Variants in UPF1 observed in about 807,000 individuals in gnomAD.
UPF1 encodes UPF1 RNA helicase and ATPase.
UPF1 carries 9 observed loss-of-function variants against 129.2 expected under a neutral mutation model. The ratio of observed to expected loss-of-function variants is 0.07; its 90% CI spans 0.04 to 0.12. The LOEUF is 0.12. UPF1 is among the 10% of genes least tolerant of loss of function. The pLI, the probability that UPF1 is intolerant of heterozygous loss-of-function variation, is 1.00. For missense variants in UPF1, 788 were observed against 1,525.3 expected (o/e 0.52, Z 8.05); for synonymous variants, 649 against 644.9 (o/e 1.01, Z -0.10).
chr19:18,855,774 G>C, intron 11 of UPF1, 151 bp from the exon 12 acceptor site: 1 of 1,106,438 alleles, frequency 9.0e-7, no homozygotes, highest in Non-Finnish European at 1.3e-6. Context: ...CTTGAGCCCA[G>C]GATGTTGAGG....
chr19:18,843,723 G>A (rs1385982595), intron 1 of UPF1, among the ~76,000 whole-genome samples: 2 of 149,216 alleles, frequency 1.3e-5, no homozygotes, highest in Non-Finnish European at 3.0e-5. Flanking sequence ...AGGCTTGTGT[G>A]TGTGTGTGTG....
At chr19:18,833,776 C>T (rs2055454302) in intron 1 of UPF1, among the ~76,000 whole-genome samples, 1 of 152,172 alleles carries the variant, frequency 6.6e-6, no homozygotes, top group Non-Finnish European at 1.5e-5. Context: ...GGGAACCACT[C>T]CTTGCTCATC....
At chr19:18,858,617 T>C (rs544884331) in intron 15 of UPF1, among the ~76,000 whole-genome samples, 2 of 152,106 alleles carry the variant, frequency 1.3e-5, no homozygotes, top group South Asian at 2.1e-4. Flanking sequence ...CCATCTCCCT[T>C]TCCAGCCTCA....
At chr19:18,840,030 T>C (rs1278955514) in intron 1 of UPF1, among the ~76,000 whole-genome samples, 1 of 152,134 alleles carries the variant, frequency 6.6e-6, no homozygotes, top group Non-Finnish European at 1.5e-5. Context: ...GGGGCTGGGC[T>C]GTGTCCTGGA....
intron 8 of UPF1, 50 bp from the exon 9 acceptor site, chr19:18,854,550 GA>G: frequency 1.3e-6 from 2 of 1,502,156 alleles, no homozygotes; most frequent in Non-Finnish European, 1.8e-6. Context: ...GGGTGGCCCA[GA>G]AAGGTCAGCC....
intron 11 of UPF1, 55 bp downstream of exon 11, chr19:18,855,297 G>A (rs1422974603): frequency 3.2e-6 from 5 of 1,575,754 alleles, no homozygotes; most frequent in Non-Finnish European, 4.3e-6. Context: ...AGGGTGGCCA[G>A]ATGGAAGGCC....
intron 1 of UPF1, among the ~76,000 whole-genome samples, chr19:18,843,450 AT>A (rs891342237): frequency 6.6e-6 from 1 of 150,634 alleles, no homozygotes; most frequent in Admixed American, 6.6e-5. Context: ...ATGATGGCAC[AT>A]TTGGGGGGAT....
At chr19:18,838,521 G>A (rs1053279064) in intron 1 of UPF1, among the ~76,000 whole-genome samples, 43 of 152,176 alleles carry the variant, frequency 2.8e-4, no homozygotes, top group Admixed American at 2.5e-3. Flanking sequence ...AGTGGCACAT[G>A]CCTGTAATCC....
At position 18,832,265 on chromosome 19, in the gene UPF1, A is replaced by T; in HGVS notation, c.56A>T (p.Glu19Val). Residue 19 changes from glutamate (E) to valine (V), a missense_variant, in exon 1 of 24, where the codon GAG (glutamate) becomes GTG (valine). Physicochemically the swap from Glu to Val is moderately radical, Grantham distance 121 (BLOSUM62 -2). Transcript: ENST00000262803. This position sits in a 1 kb window ranked among gnomAD's most constrained non-coding sequence, Gnocchi z 5.6. ...CAGACTCTCACTTTCCTGGACACGG[A>T]GGAGGCCGAGCTGCTTGGCGCCGAC... ...SSQTLTFLDT[E>V]EAELLGADTQ... is the part of the protein sequence containing the mutation. 2 of 1,552,320 alleles carry T rather than the reference A, an allele frequency of 1.3e-6. No individual in the cohort carries two copies. The highest frequency in any genetic ancestry group is 1.7e-6 in the Non-Finnish European group (2 of 1,149,278).
In UPF1 at chr19:18,852,106, G is replaced by A. The variant is rs369216621; in HGVS notation, c.811-29G>A. 74 of 1,573,970 alleles carry A rather than the reference G, an allele frequency of 4.7e-5. No homozygotes were observed. In the African/African-American group the frequency reaches 7.7e-4, roughly 16 times the overall value. ...ATTTGCATGTAGGGAAAAACAGGAC[G>A]AGTGTGGCGCGGTGTTGTTGTCTTC... On this transcript the variant is annotated intron_variant, in intron 5 of 23. Transcript: ENST00000262803.
intron 1 of UPF1, among the ~76,000 whole-genome samples, chr19:18,843,700 T>TTAGTAGA (rs2055566630): frequency 6.7e-6 from 1 of 149,812 alleles, no homozygotes; most frequent in Non-Finnish European, 1.5e-5. Context: ...GATGGGGTTT[T>TTAGTAGA]GCCATGTTGG....
intron 10 of UPF1, 23 bp downstream of exon 10, chr19:18,855,061 G>C (rs759401140): frequency 7.4e-6 from 12 of 1,612,966 alleles, no homozygotes; most frequent in Non-Finnish European, 1.0e-5. Flanking sequence ...CTCAGCGCGC[G>C]GGGCCTCGCC....
Position 18,852,252 on chromosome 19 carries a change from G to C in UPF1, c.928G>C (p.Val310Leu). Reference sequence around the variant, plus strand: ...GTACCAGAACATATTCGGGCCCCTGGTCAAGCTGGAGGCCGACTACGACAA... The same window carrying C: ...GTACCAGAACATATTCGGGCCCCTGCTCAAGCTGGAGGCCGACTACGACAA... ...YQYQNIFGPL[V>L]KLEADYDKKL... The change falls in exon 6 of 24, where the codon GTC (valine) becomes CTC (leucine). Residue 310 changes from valine to leucine, a missense_variant. Val to Leu is a conservative substitution (Grantham distance 32). This residue lies in a region of UPF1 where 227 missense variants were observed against 517.9 expected (regional missense o/e 0.44). Transcript: ENST00000262803. The C allele has an allele frequency of 6.2e-7, 1 of 1,613,780 alleles. No homozygotes were observed. The highest frequency in any genetic ancestry group is 1.1e-5 in the South Asian group (1 of 91,060).
In UPF1 at chr19:18,847,725, C is replaced by A. The variant is rs762227342; in HGVS notation, c.372-19C>A. ...AGAGCAAGCTTCCAGCTGTAACTGT[C>A]GCTGTTTTGATTTTTTAGTTACTGT... is the stretch of plus-strand genomic sequence containing the variant. On this transcript the variant is annotated intron_variant, in intron 2 of 23. Transcript: ENST00000262803. 5.0e-6 allele frequency: 8 copies of A among 1,609,568 alleles called. No homozygotes were observed. Among genetic ancestry groups the A allele is most frequent in the South Asian group, 1.1e-5 (1 of 90,924 alleles).
intron 1 of UPF1, among the ~76,000 whole-genome samples, chr19:18,841,023 G>A (rs1410751735): frequency 6.6e-6 from 1 of 152,234 alleles, no homozygotes; most frequent in East Asian, 1.9e-4. Flanking sequence ...CCTGGGAGAG[G>A]GGGTTGCAGA....
At chr19:18,864,737 T>G (rs866862833) in intron 20 of UPF1, among the ~76,000 whole-genome samples, 5 of 136,812 alleles carry the variant, frequency 3.7e-5, no homozygotes, top group African/African-American at 2.8e-5. Flanking sequence ...GCAGGTGTTT[T>G]TTTTTTTTTT....
Position 18,865,196 on chromosome 19 carries a change from C to T in UPF1, c.2858-93C>T. 4 of 1,436,894 alleles carry T rather than the reference C, an allele frequency of 2.8e-6. No individual in the cohort carries two copies. The highest frequency in any genetic ancestry group is 2.7e-5 in the South Asian group (2 of 73,470). The allele number at this position is 1,436,894 out of a possible 1,614,324, so 89.0% of individuals were successfully genotyped here. On this transcript the variant is annotated intron_variant, in intron 20 of 23. Transcript: ENST00000262803. The surrounding 1 kb of genome is among the most constrained non-coding windows in gnomAD (Gnocchi z 6.1). Reference sequence around the variant, plus strand: ...CCTGGGCAGAGCCAGGACAGATGTGCAGCTCCGGCTGACTGGCTGGTGGGG... The same window carrying T: ...CCTGGGCAGAGCCAGGACAGATGTGTAGCTCCGGCTGACTGGCTGGTGGGG...
chr19:18,865,612 G>T lies in UPF1; in HGVS notation c.3071G>T (p.Arg1024Leu), dbSNP rs1234132463. Residue 1024 changes from arginine (R) to leucine (L), a missense_variant, in exon 22 of 24, where the codon CGC (arginine) becomes CTC (leucine). Physicochemically the swap from Arg to Leu is moderately radical, Grantham distance 102 (BLOSUM62 -2). Coordinates refer to ENST00000262803, the MANE Select transcript of UPF1 (RefSeq NM_002911.4). This position sits in a 1 kb window ranked among gnomAD's most constrained non-coding sequence, Gnocchi z 6.1. ...GGTCGTGGGGGACGCCAGAAGAACC[G>T]CTTTGGGCTTCCTGGACCCAGCCAG... is the stretch of plus-strand genomic sequence containing the variant. Reference protein sequence around the residue: ...KTGRGGRQKNRFGLPGPSQTN... With the variant: ...KTGRGGRQKNLFGLPGPSQTN... The T allele has an allele frequency of 6.2e-7, 1 of 1,613,846 alleles. No homozygotes were observed. Among genetic ancestry groups the T allele is most frequent in the South Asian group, 1.1e-5 (1 of 91,082 alleles).
At position 18,857,023 on chromosome 19, in the gene UPF1, G is replaced by C. The variant is rs754477619; in HGVS notation, c.1968+3G>C. On this transcript the variant is annotated splice_donor_region_variant and intron_variant, in intron 14 of 23. Transcript: ENST00000262803. ...CCGTGGTCCTCGGGGCCAAGCAGGTGGGCTGCCTCCCCTGCCCTCCTGTGT... is the reference window on the plus strand; with the variant it reads ...CCGTGGTCCTCGGGGCCAAGCAGGTCGGCTGCCTCCCCTGCCCTCCTGTGT... The C allele has an allele frequency of 3.7e-6, 6 of 1,607,582 alleles. No homozygotes were observed. Among genetic ancestry groups the C allele is most frequent in the South Asian group, 3.3e-5 (3 of 90,406 alleles).
Sources: allele counts gnomAD v4.1 joint callset (sites outside exome capture counted in the v4.1 genomes callset), GRCh38; gene constraint gnomAD v4.1.1; regional missense constraint gnomAD v4.1.1; non-coding constraint Gnocchi (gnomAD v3.1); transcripts MANE v1.5; gene names NCBI Gene and HGNC (gene_info 2026-07-23, HGNC 2026-07-21).